Variants in EYA3 observed in about 807,000 individuals in gnomAD.
EYA3 encodes the protein EYA transcriptional coactivator and phosphatase 3.
In EYA3, 39 loss-of-function variants were observed where a neutral mutation model predicts 80.0. The observed-to-expected ratio is 0.49, with a 90% CI of 0.38 to 0.64. The LOEUF is 0.64. Ranked by LOEUF, EYA3 falls within the 30% of genes least tolerant of loss-of-function variation. The pLI is 0.00. For synonymous variants in EYA3, 206 were observed against 232.8 expected (o/e 0.88, Z 1.05); for missense variants, 523 against 676.1 (o/e 0.77, Z 2.51).
At chr1:28,006,263 CAG>C (rs1255949978) in intron 10 of EYA3, among the ~76,000 whole-genome samples, 2 of 151,824 alleles carry the variant, frequency 1.3e-5, no homozygotes, top group African/African-American at 2.4e-5. Context: ...ATTAATAGAA[CAG>C]AGGGGGAAAA....
chr1:28,010,815 G>T, intron 10 of EYA3, 132 bp downstream of exon 10: 4 of 1,085,718 alleles, frequency 3.7e-6, no homozygotes, highest in African/African-American at 3.2e-5. Context: ...GGCCAATTTA[G>T]TTTATTTTGC....
At chr1:27,990,190 C>A (rs1639949765) in intron 14 of EYA3, 1 of 160,548 alleles carries the variant, frequency 6.2e-6, no homozygotes, top group South Asian at 1.7e-4. Context: ...GTGCAATGAC[C>A]ACAGGGATGT....
At chr1:28,003,671 T>G (rs985106313) in intron 11 of EYA3, among the ~76,000 whole-genome samples, 2 of 152,102 alleles carry the variant, frequency 1.3e-5, no homozygotes, top group African/African-American at 4.8e-5. Context: ...GCTTCCTGAG[T>G]AGTTGAGACT....
rs894730006 is a variant in EYA3, at chr1:27,974,044, G to A, written c.*422C>T. On this transcript the variant is annotated 3_prime_UTR_variant, in exon 18 of 18. Transcript: ENST00000373871. ...GGACTAAGAGTGCAACTCTGCCCCA[G>A]GAATTTCCTTTTCTTTTTCATTTTT... 1.3e-5 allele frequency: 2 copies of A among 154,794 alleles called. No individual in the cohort carries two copies. The highest frequency in any genetic ancestry group is 4.8e-5 in the African/African-American group (2 of 41,448). The allele number at this position is 154,794 out of a possible 1,614,324, so 9.6% of individuals were successfully genotyped here. A position where few individuals can be genotyped will look rare whatever the true frequency, so the allele number is the denominator to read the frequency against.
intron 1 of EYA3, among the ~76,000 whole-genome samples, chr1:28,060,417 A>G (rs1229811323): frequency 2.0e-5 from 3 of 152,198 alleles, no homozygotes; most frequent in Admixed American, 6.5e-5. Context: ...AAAAACATAG[A>G]AACATTAGTA....
At chr1:28,047,469 A>C (rs574440598) in intron 3 of EYA3, among the ~76,000 whole-genome samples, 1 of 152,164 alleles carries the variant, frequency 6.6e-6, no homozygotes, top group South Asian at 2.1e-4. Flanking sequence ...CCGGGATGAT[A>C]GTGTGTGGAG....
chr1:28,046,619 G>A (rs1425454634), intron 3 of EYA3, among the ~76,000 whole-genome samples: 1 of 152,138 alleles, frequency 6.6e-6, no homozygotes, highest in Non-Finnish European at 1.5e-5. Flanking sequence ...CTAAGTGCCT[G>A]TTTTAGATCT....
chr1:28,027,732 A>T, intron 7 of EYA3, 57 bp downstream of exon 7: 4 of 1,605,516 alleles, frequency 2.5e-6, no homozygotes, highest in Non-Finnish European at 2.6e-6. Context: ...CAGGTAGATT[A>T]AAAACAAGAA....
intron 7 of EYA3, 101 bp downstream of exon 7, chr1:28,027,688 C>T (rs922055392): frequency 4.1e-6 from 6 of 1,450,408 alleles, no homozygotes; most frequent in Non-Finnish European, 5.7e-6. Context: ...GAAGACAGAG[C>T]TCCTGTATTA....
chr1:28,049,850 C>A (rs1465843778), intron 2 of EYA3, among the ~76,000 whole-genome samples: 1 of 152,076 alleles, frequency 6.6e-6, no homozygotes, highest in Non-Finnish European at 1.5e-5. Context: ...ATGTTCTGCC[C>A]TTCCTACCTA....
intron 1 of EYA3, among the ~76,000 whole-genome samples, chr1:28,063,597 C>A (rs552274918): frequency 1.3e-5 from 2 of 152,148 alleles, no homozygotes; most frequent in Non-Finnish European, 2.9e-5. Context: ...ATCCACCAGC[C>A]TCGGCCTCTC....
chr1:28,082,302 C>T (rs1645458055), intron 1 of EYA3, among the ~76,000 whole-genome samples: 1 of 152,072 alleles, frequency 6.6e-6, no homozygotes, highest in Non-Finnish European at 1.5e-5. Context: ...GTACAAGACT[C>T]CTGCATTAAG....
intron 1 of EYA3, among the ~76,000 whole-genome samples, chr1:28,080,925 T>A (rs1411304421): frequency 6.9e-6 from 1 of 144,696 alleles, no homozygotes; most frequent in Non-Finnish European, 1.5e-5. Context: ...TAATTTTGTA[T>A]TTTTTTTTTT....
chr1:28,054,682 A>C (rs1362396414), intron 2 of EYA3, among the ~76,000 whole-genome samples: 1 of 152,112 alleles, frequency 6.6e-6, no homozygotes, highest in Non-Finnish European at 1.5e-5. Flanking sequence ...AACAGGGCAA[A>C]ACCCCGTGTC....
chr1:28,017,072 G>T, intron 8 of EYA3, 82 bp downstream of exon 8: 1 of 1,220,832 alleles, frequency 8.2e-7, no homozygotes, highest in Non-Finnish European at 1.2e-6. Context: ...TTGTTTCTTA[G>T]ATAGGCAAAT....
At position 28,085,341 on chromosome 1, in the gene EYA3, A is replaced by G. The variant is rs117626139; in HGVS notation, c.-69+3183T>C. Among the ~76,000 whole-genome samples the G allele has an allele frequency of 4.5e-4, 68 of 152,270 alleles. No homozygotes were observed. In the East Asian group the frequency reaches 0.012, roughly 28 times the overall value. On this transcript the variant is annotated intron_variant, in intron 1 of 17. Transcript: ENST00000373871. ...GTGGCATGAACCTGTAGTCCCAGCT[A>G]TTCTGGAGGCTGTGGGAGGATGACT...
chr1:28,040,268 A>T (rs1466519755), intron 4 of EYA3, among the ~76,000 whole-genome samples: 1 of 152,214 alleles, frequency 6.6e-6, no homozygotes, highest in Non-Finnish European at 1.5e-5. Context: ...TGATGTAGAG[A>T]ATGAGGAAAA....
In EYA3 at chr1:28,009,892, A is replaced by G. The variant is rs1406116119; in HGVS notation, c.909+1055T>C. ...AAATATACAGTGGTGATGGTTAGAC[A>G]ATATTGAGAATGTATAATGACACTA... is the stretch of plus-strand genomic sequence containing the variant. On this transcript the variant is annotated intron_variant, in intron 10 of 17. Transcript: ENST00000373871. This position sits in a 1 kb window ranked among gnomAD's most constrained non-coding sequence, Gnocchi z 4.8. 6.6e-6 allele frequency among the ~76,000 whole-genome samples: 1 copy of G among 152,236 alleles called. No individual in the cohort carries two copies. The highest frequency in any genetic ancestry group is 1.5e-5 in the Non-Finnish European group (1 of 68,040).
intron 13 of EYA3, among the ~76,000 whole-genome samples, chr1:27,993,776 GA>G (rs143697919): frequency 0.013 from 1,995 of 152,262 alleles, 44 homozygotes; most frequent in African/African-American, 0.045. Flanking sequence ...GAGAGGGAAT[GA>G]AAGGTAGAAA....
Sources: gnomAD v4.1 joint callset for allele counts (sites outside exome capture counted in the v4.1 genomes callset) on GRCh38, gnomAD v4.1.1 for gene constraint, Gnocchi (gnomAD v3.1) non-coding constraint, MANE v1.5 for transcripts, NCBI Gene and HGNC (gene_info 2026-07-23, HGNC 2026-07-21) for gene names.